INSYN2B: variants seen among roughly 807,000 people sequenced by gnomAD.
INSYN2B encodes the protein protein INSYN2B.
INSYN2B carries 16 observed loss-of-function variants against 41.2 expected under a neutral mutation model. The observed-to-expected ratio is 0.39, with a 90% CI of 0.26 to 0.59. The LOEUF (loss-of-function observed/expected upper bound fraction) is 0.59, where lower values mean the gene tolerates loss of function less well. Ranked by LOEUF, INSYN2B falls within the 20% of genes least tolerant of loss-of-function variation. The pLI is 0.57. For missense variants in INSYN2B, 608 were observed against 646.4 expected (o/e 0.94, Z 0.64); for synonymous variants, 245 against 244.4 (o/e 1.00, Z -0.02).
intron 1 of INSYN2B, among the ~76,000 whole-genome samples, chr5:169,889,631 T>G (rs1251289943): frequency 6.6e-6 from 1 of 152,172 alleles, no homozygotes; most frequent in Non-Finnish European, 1.5e-5. Flanking sequence ...AGTCAGCAAG[T>G]TTTTTCTTTA....
At chr5:169,963,743 TCTTCCTTCC>T (rs1398369123) in intron 1 of INSYN2B, among the ~76,000 whole-genome samples, 9 of 152,108 alleles carry the variant, frequency 5.9e-5, no homozygotes, top group Admixed American at 3.3e-4. Flanking sequence ...CATTTTTCCC[TCTTCCTTCC>T]CCCTAGCATC....
chr5:169,976,558 C>A (rs750387020), intron 1 of INSYN2B, among the ~76,000 whole-genome samples: 7 of 151,978 alleles, frequency 4.6e-5, no homozygotes, highest in Non-Finnish European at 1.0e-4. Flanking sequence ...TCATCATATA[C>A]TTTAGAAGTT....
intron 1 of INSYN2B, among the ~76,000 whole-genome samples, chr5:169,918,673 G>T (rs888666818): frequency 1.3e-5 from 2 of 152,218 alleles, no homozygotes; most frequent in Non-Finnish European, 2.9e-5. Flanking sequence ...AGCACTTTGG[G>T]AGGCCGAGGC....
intron 1 of INSYN2B, among the ~76,000 whole-genome samples, chr5:169,937,044 G>A (rs1776030663): frequency 6.6e-6 from 1 of 152,212 alleles, no homozygotes; most frequent in Non-Finnish European, 1.5e-5. Flanking sequence ...TGAGGAGGGA[G>A]GGGCTGACCA....
At chr5:169,952,319 T>C (rs374575637) in intron 1 of INSYN2B, among the ~76,000 whole-genome samples, 7 of 152,100 alleles carry the variant, frequency 4.6e-5, no homozygotes, top group Non-Finnish European at 8.8e-5. Context: ...ACTGCTGGCA[T>C]TGGGTATGTA....
chr5:169,877,827 C>G (rs1772416822), intron 3 of INSYN2B, among the ~76,000 whole-genome samples: 1 of 152,148 alleles, frequency 6.6e-6, no homozygotes, highest in Non-Finnish European at 1.5e-5. Flanking sequence ...TTCTATTTCT[C>G]TCACCTCTCT....
At chr5:169,961,071 TGA>T (rs1290333206) in intron 1 of INSYN2B, among the ~76,000 whole-genome samples, 3 of 152,076 alleles carry the variant, frequency 2.0e-5, no homozygotes, top group African/African-American at 4.8e-5. Context: ...ATTGCATGAG[TGA>T]GTGATGGTAG....
intron 1 of INSYN2B, among the ~76,000 whole-genome samples, chr5:169,935,104 G>A (rs1026770813): frequency 3.3e-5 from 5 of 152,180 alleles, no homozygotes; most frequent in Non-Finnish European, 5.9e-5. Flanking sequence ...TGAAGACAGC[G>A]TGGCAAGATT....
chr5:169,948,638 G>A (rs1291507972), intron 1 of INSYN2B, among the ~76,000 whole-genome samples: 1 of 147,274 alleles, frequency 6.8e-6, no homozygotes, highest in Non-Finnish European at 1.5e-5. Context: ...TTTAGAGACA[G>A]GGTCTTGCTC....
At position 169,868,373 on chromosome 5, in the gene INSYN2B, G is replaced by A. The variant is rs574855457; in HGVS notation, c.1422-3914C>T. Among the ~76,000 whole-genome samples, 7 of 152,294 alleles carry A rather than the reference G, an allele frequency of 4.6e-5. No homozygotes were observed. The East Asian group carries it at 1.2e-3, about 25-fold the overall frequency. On this transcript the variant is annotated intron_variant, in intron 3 of 3. Coordinates refer to ENST00000377365, the MANE Select transcript of INSYN2B (RefSeq NM_001129891.3). ...ACCAACTGCCTTCCTCTCCTTATATGTGAAGTGTCTCTGACTTCATAATTC... is the reference window on the plus strand; with the variant it reads ...ACCAACTGCCTTCCTCTCCTTATATATGAAGTGTCTCTGACTTCATAATTC...
intron 1 of INSYN2B, among the ~76,000 whole-genome samples, chr5:169,914,147 T>G (rs941740872): frequency 6.6e-6 from 1 of 152,172 alleles, no homozygotes; most frequent in African/African-American, 2.4e-5. Flanking sequence ...AAGACAACCC[T>G]TCAAAGCAAA....
intron 1 of INSYN2B, among the ~76,000 whole-genome samples, chr5:169,937,993 G>T (rs1776070087): frequency 6.6e-6 from 1 of 152,186 alleles, no homozygotes; most frequent in African/African-American, 2.4e-5. Context: ...GACAGATAGT[G>T]AAAACTCAGG....
chr5:169,977,982 G>A (rs1192587905), intron 1 of INSYN2B, among the ~76,000 whole-genome samples: 1 of 152,026 alleles, frequency 6.6e-6, no homozygotes, highest in South Asian at 2.1e-4. Flanking sequence ...GAGTGCATTC[G>A]GCCACTCCTA....
At chr5:169,903,659 T>C (rs909303963) in intron 1 of INSYN2B, among the ~76,000 whole-genome samples, 11 of 152,016 alleles carry the variant, frequency 7.2e-5, no homozygotes, top group African/African-American at 2.7e-4. Context: ...GTGGAACTGA[T>C]AGAAGTTCAG....
At chr5:169,895,444 G>T (rs2113556132) in intron 1 of INSYN2B, among the ~76,000 whole-genome samples, 1 of 152,080 alleles carries the variant, frequency 6.6e-6, no homozygotes, top group Non-Finnish European at 1.5e-5. Flanking sequence ...GGGGACAGGG[G>T]GTGGTCTCAC....
intron 1 of INSYN2B, among the ~76,000 whole-genome samples, chr5:169,975,796 C>T (rs1299222313): frequency 6.6e-6 from 1 of 152,224 alleles, no homozygotes; most frequent in African/African-American, 2.4e-5. Flanking sequence ...GTTCCTGGCT[C>T]TTCCCAACGG....
intron 1 of INSYN2B, among the ~76,000 whole-genome samples, chr5:169,889,351 A>G (rs2113532423): frequency 6.6e-6 from 1 of 152,172 alleles, no homozygotes; most frequent in East Asian, 1.9e-4. Flanking sequence ...GTTAAACTTT[A>G]TTTAGATTCT....
rs115849928 is a variant in INSYN2B, at chr5:169,943,147, T to C, written c.-919+37130A>G. Among the ~76,000 whole-genome samples the C allele has an allele frequency of 2.9e-3, 441 of 152,316 alleles. 3 individuals are homozygous for C. The highest frequency in any genetic ancestry group is 0.01 in the African/African-American group (416 of 41,578). ...GTTTTCCCCACACCCAGGCCATCAA[T>C]GTCTCTGCTTCCTAAAGTACCCGTG... On this transcript the variant is annotated intron_variant, in intron 1 of 3. Coordinates refer to ENST00000377365, the MANE Select transcript of INSYN2B (RefSeq NM_001129891.3).
intron 1 of INSYN2B, among the ~76,000 whole-genome samples, chr5:169,944,107 T>G (rs1362281151): frequency 6.6e-6 from 1 of 152,170 alleles, no homozygotes; most frequent in Non-Finnish European, 1.5e-5. Flanking sequence ...CATTTAACAC[T>G]AACCATGGCT....
Sources: gnomAD v4.1 joint callset for allele counts (sites outside exome capture counted in the v4.1 genomes callset) on GRCh38, gnomAD v4.1.1 for gene constraint, MANE v1.5 for transcripts, NCBI Gene and HGNC (gene_info 2026-07-23, HGNC 2026-07-21) for gene names.